Variants in MYO1D observed in about 807,000 individuals in gnomAD.
MYO1D encodes unconventional myosin-Id.
MYO1D carries 83 observed loss-of-function variants against 122.0 expected under a neutral mutation model. That is an observed-to-expected ratio of 0.68 (90% CI 0.57 to 0.82). The LOEUF is 0.82. Ranked by LOEUF, MYO1D falls within the 40% of genes least tolerant of loss-of-function variation. The probability of loss-of-function intolerance (pLI) is 0.00; values close to 1 mark genes in which losing one functional copy is unlikely to be tolerated. For missense variants in MYO1D, 1,157 were observed against 1,269.5 expected, an observed-to-expected ratio of 0.91 and a Z score of 1.35; for synonymous variants, 464 against 446.9, an observed-to-expected ratio of 1.04 and a Z score of -0.48.
At chr17:32,771,966 A>G (rs1365107134) in intron 5 of MYO1D, among the ~76,000 whole-genome samples, 1 of 152,202 alleles carries the variant, frequency 6.6e-6, no homozygotes, top group African/African-American at 2.4e-5. Context: ...GCTTTTGTTT[A>G]CTTAAAAAGT....
chr17:32,524,324 C>G (rs866945566), intron 21 of MYO1D, among the ~76,000 whole-genome samples: 3 of 152,184 alleles, frequency 2.0e-5, no homozygotes, highest in Admixed American at 6.5e-5. Flanking sequence ...CTTAGTTTCA[C>G]AACTAAAACA....
chr17:32,772,168 C>G (rs1035859857), intron 5 of MYO1D, among the ~76,000 whole-genome samples: 1 of 152,114 alleles, frequency 6.6e-6, no homozygotes, highest in Non-Finnish European at 1.5e-5. Flanking sequence ...TAAAAACTTA[C>G]AATAATATAT....
chr17:32,862,371 A>G (rs1282533575), intron 1 of MYO1D, among the ~76,000 whole-genome samples: 1 of 152,266 alleles, frequency 6.6e-6, no homozygotes, highest in African/African-American at 2.4e-5. Context: ...CCAGAAAAGA[A>G]TAAAGACAAC....
chr17:32,570,893 T>C (rs1254219843), intron 21 of MYO1D, among the ~76,000 whole-genome samples: 1 of 152,166 alleles, frequency 6.6e-6, no homozygotes, highest in Non-Finnish European at 1.5e-5. Context: ...ACTATAGATA[T>C]GAATCTAAGT....
At chr17:32,695,331 T>C (rs1699048673) in intron 16 of MYO1D, among the ~76,000 whole-genome samples, 1 of 152,206 alleles carries the variant, frequency 6.6e-6, no homozygotes, top group Non-Finnish European at 1.5e-5. Flanking sequence ...CAGGTGGTAA[T>C]GTTTGCTCAC....
At chr17:32,740,082 T>G (rs1304633444) in intron 13 of MYO1D, among the ~76,000 whole-genome samples, 1 of 152,262 alleles carries the variant, frequency 6.6e-6, no homozygotes, top group South Asian at 2.1e-4. Flanking sequence ...TTGTTTTTCC[T>G]TAACTTTTTC....
intron 20 of MYO1D, among the ~76,000 whole-genome samples, chr17:32,633,089 G>C (rs72815029): frequency 0.064 from 9,667 of 151,794 alleles, 385 homozygotes; most frequent in East Asian, 0.19. Flanking sequence ...GAACAACAAA[G>C]GTAGTATCAC....
chr17:32,597,509 G>T (rs1401354897), intron 21 of MYO1D, among the ~76,000 whole-genome samples: 1 of 151,888 alleles, frequency 6.6e-6, no homozygotes, highest in Non-Finnish European at 1.5e-5. Context: ...AGTCATAGGA[G>T]ATATCTATAT....
chr17:32,555,145 A>G (rs1335140997), intron 21 of MYO1D, among the ~76,000 whole-genome samples: 2 of 152,150 alleles, frequency 1.3e-5, no homozygotes, highest in East Asian at 1.9e-4. Context: ...TAGGTGCTCA[A>G]TCGCAGGGCT....
chr17:32,618,014 A>C (rs1447685607), intron 20 of MYO1D, among the ~76,000 whole-genome samples: 1 of 152,202 alleles, frequency 6.6e-6, no homozygotes, highest in Non-Finnish European at 1.5e-5. Flanking sequence ...GTGAATGTTA[A>C]TTAGTAAGTA....
At chr17:32,801,852 A>G (rs570160248) in intron 1 of MYO1D, among the ~76,000 whole-genome samples, 1 of 152,210 alleles carries the variant, frequency 6.6e-6, no homozygotes, top group East Asian at 1.9e-4. Flanking sequence ...GACACAGGAA[A>G]TACAAGATGA....
chr17:32,700,056 A>T (rs2089226312), intron 16 of MYO1D, among the ~76,000 whole-genome samples: 1 of 152,230 alleles, frequency 6.6e-6, no homozygotes, highest in African/African-American at 2.4e-5. Flanking sequence ...ATGATTTAAA[A>T]AAATTTTTTT....
chr17:32,858,780 ATCAAACT>A (rs1433153631), intron 1 of MYO1D, among the ~76,000 whole-genome samples: 1 of 152,188 alleles, frequency 6.6e-6, no homozygotes, highest in Non-Finnish European at 1.5e-5. Context: ...CCCATTCCTC[ATCAAACT>A]TCAAAAGTTA....
intron 16 of MYO1D, among the ~76,000 whole-genome samples, chr17:32,666,657 GA>G (rs1350725170): frequency 6.6e-6 from 1 of 152,196 alleles, no homozygotes; most frequent in East Asian, 1.9e-4. Context: ...TTTCGTCTCA[GA>G]ATCAAACACA....
intron 1 of MYO1D, among the ~76,000 whole-genome samples, chr17:32,825,478 A>G (rs897792375): frequency 2.6e-5 from 4 of 152,042 alleles, no homozygotes; most frequent in African/African-American, 9.7e-5. Flanking sequence ...TTTTTTGTAA[A>G]GGCAGGGTTT....
intron 16 of MYO1D, among the ~76,000 whole-genome samples, chr17:32,665,810 C>T (rs1261883481): frequency 6.6e-6 from 1 of 152,134 alleles, no homozygotes; most frequent in African/African-American, 2.4e-5. Flanking sequence ...AACTTCACTA[C>T]AGGGTGATTA....
In MYO1D at chr17:32,827,346, G is replaced by A. The variant is rs138672960; in HGVS notation, c.96-46562C>T. Among the ~76,000 whole-genome samples, 7 of 152,224 alleles carry A rather than the reference G, an allele frequency of 4.6e-5. No homozygotes were observed. The East Asian group carries it at 1.4e-3, about 29-fold the overall frequency. The stretch of plus-strand genomic sequence containing the variant: ...TGATTCCATTTATATGAAGTACCTG[G>A]AATGAAAAAATTCATAGAGGCAGAA... On this transcript the variant is annotated intron_variant, in intron 1 of 21. Coordinates refer to ENST00000318217, the MANE Select transcript of MYO1D (RefSeq NM_015194.3).
chr17:32,820,045 G>A (rs1350116902), intron 1 of MYO1D, among the ~76,000 whole-genome samples: 1 of 152,186 alleles, frequency 6.6e-6, no homozygotes, highest in African/African-American at 2.4e-5. Flanking sequence ...GGAGAGACGG[G>A]AGACAGGAAT....
In MYO1D at chr17:32,638,818, C is replaced by A; in HGVS notation, c.2613G>T (p.Lys871Asn). 6.2e-7 allele frequency: 1 copy of A among 1,612,966 alleles called. No homozygotes were observed. Among genetic ancestry groups the A allele is most frequent in the Non-Finnish European group, 8.5e-7 (1 of 1,179,028 alleles). The change falls in exon 20 of 22, where the codon AAG becomes AAT. Residue 871 changes from lysine (K) to asparagine (N), a missense_variant. Lys to Asn is a moderately conservative substitution (Grantham distance 94). Transcript: ENST00000318217. ...TGACAAAAATTGCTCTGTCTTCCAC[C>A]TTACTAAATCGATTTACCTGTAAGA... is the stretch of plus-strand genomic sequence containing the variant. ...CHVRKVNRFSKVEDRAIFVTD... is the reference protein window; with the variant it reads ...CHVRKVNRFSNVEDRAIFVTD...
Sources: allele counts gnomAD v4.1 joint callset (sites outside exome capture counted in the v4.1 genomes callset), GRCh38; gene constraint gnomAD v4.1.1; transcripts MANE v1.5; gene names NCBI Gene and HGNC (gene_info 2026-07-23, HGNC 2026-07-21).